PCNX2: variants seen among roughly 807,000 people sequenced by gnomAD.
PCNX2 encodes the protein pecanex-like protein 2.
Under a neutral mutation model 223.8 loss-of-function variants are expected in PCNX2, and 168 were observed. The observed-to-expected ratio is 0.75, with a 90% confidence interval of 0.66 to 0.85. PCNX2 has a LOEUF of 0.85. Ranked by LOEUF, PCNX2 falls within the 40% of genes least tolerant of loss-of-function variation. PCNX2 has a pLI of 0.00. For synonymous variants in PCNX2, 1,006 were observed against 1,052.6 expected (o/e 0.96, Z 0.86); for missense variants, 2,507 against 2,675.5 (o/e 0.94, Z 1.39).
At chr1:233,110,129 C>T (rs1675036332) in intron 21 of PCNX2, among the ~76,000 whole-genome samples, 2 of 151,786 alleles carry the variant, frequency 1.3e-5, no homozygotes, top group South Asian at 4.2e-4. Context: ...TCAGATAGTA[C>T]CAAGGAGCAT....
chr1:233,249,366 T>C (rs1659315928), intron 8 of PCNX2, among the ~76,000 whole-genome samples: 1 of 152,244 alleles, frequency 6.6e-6, no homozygotes, highest in Non-Finnish European at 1.5e-5. Context: ...CAGAATAATA[T>C]GACAGTTTTC....
chr1:233,311,927 G>A, the PCNX2 span, among the ~76,000 whole-genome samples: 2 of 152,248 alleles, frequency 1.3e-5, no homozygotes, highest in East Asian at 1.9e-4. Flanking sequence ...AGGAGTTCGA[G>A]ACCAGCCTAG....
intron 32 of PCNX2, among the ~76,000 whole-genome samples, chr1:232,995,539 G>C (rs1669845889): frequency 6.6e-6 from 1 of 152,148 alleles, no homozygotes; most frequent in African/African-American, 2.4e-5. Flanking sequence ...GCAAGAGTTG[G>C]AAGCAGTAAC....
At chr1:233,304,166 G>A in the PCNX2 span, among the ~76,000 whole-genome samples, 8 of 152,306 alleles carry the variant, frequency 5.3e-5, no homozygotes, top group Admixed American at 2.0e-4. Context: ...TTCCAATAGA[G>A]GTGGAATTAT....
intron 19 of PCNX2, among the ~76,000 whole-genome samples, chr1:233,156,772 G>T (rs540803954): frequency 3.9e-5 from 6 of 152,226 alleles, no homozygotes; most frequent in Admixed American, 1.3e-4. Flanking sequence ...ACAAAAATTA[G>T]CCGGGTGTGG....
intron 1 of PCNX2, chr1:233,291,646 G>A: frequency 1.3e-6 from 1 of 771,876 alleles, no homozygotes; most frequent in Non-Finnish European, 1.6e-6. Context: ...AATGGGAACT[G>A]TGTCTTTTGA....
chr1:233,035,250 C>T (rs1671413550), intron 25 of PCNX2, among the ~76,000 whole-genome samples: 1 of 152,190 alleles, frequency 6.6e-6, no homozygotes, highest in South Asian at 2.1e-4. Context: ...CTTGGTCCTT[C>T]AATTTCCCTT....
At chr1:233,275,833 C>T (rs1346003444) in intron 1 of PCNX2, among the ~76,000 whole-genome samples, 2 of 151,798 alleles carry the variant, frequency 1.3e-5, no homozygotes. Context: ...AGATCGAGAC[C>T]ATCCTGGCCA....
intron 19 of PCNX2, among the ~76,000 whole-genome samples, chr1:233,157,548 C>T (rs756403753): frequency 6.6e-6 from 1 of 152,170 alleles, no homozygotes; most frequent in African/African-American, 2.4e-5. Flanking sequence ...CTCTGCCCTG[C>T]CTTCTTTCCC....
At chr1:233,133,747 T>C (rs989295085) in intron 21 of PCNX2, among the ~76,000 whole-genome samples, 1 of 152,070 alleles carries the variant, frequency 6.6e-6, no homozygotes, top group Non-Finnish European at 1.5e-5. Flanking sequence ...GTGGTCCTAA[T>C]TACTCAGGAG....
intron 23 of PCNX2, among the ~76,000 whole-genome samples, chr1:233,082,966 T>C (rs962043379): frequency 6.6e-6 from 1 of 152,166 alleles, no homozygotes; most frequent in Non-Finnish European, 1.5e-5. Flanking sequence ...TTAAAACCAG[T>C]AAGAGGAGAG....
chr1:232,989,229 C>T (rs955263409), intron 32 of PCNX2, among the ~76,000 whole-genome samples: 4 of 152,144 alleles, frequency 2.6e-5, no homozygotes, highest in South Asian at 2.1e-4. Flanking sequence ...CCGAGGCAGG[C>T]AGATCACGAG....
chr1:233,317,217 C>T, the PCNX2 span, among the ~76,000 whole-genome samples: 4 of 152,084 alleles, frequency 2.6e-5, no homozygotes, highest in African/African-American at 9.7e-5. Context: ...AGTTCAAAAC[C>T]AGCCTGGCCA....
upstream of PCNX2, among the ~76,000 whole-genome samples, chr1:233,300,239 G>T (rs138301292): frequency 2.0e-5 from 3 of 152,298 alleles, no homozygotes; most frequent in African/African-American, 7.2e-5. Flanking sequence ...TATTAAGATT[G>T]CTCAATAACG....
chr1:233,309,229 C>A, the PCNX2 span, among the ~76,000 whole-genome samples: 1 of 152,140 alleles, frequency 6.6e-6, no homozygotes, highest in South Asian at 2.1e-4. Flanking sequence ...AAAAGAGCAC[C>A]AACATTTATC....
At chr1:232,985,505 ATTTAC>A (rs1439958898) in intron 33 of PCNX2, 4 of 161,134 alleles carry the variant, frequency 2.5e-5, no homozygotes, top group Non-Finnish European at 4.0e-5. Context: ...CTGGGTATTT[ATTTAC>A]TTTTTTCTCA....
In PCNX2 at chr1:233,295,492, C is replaced by T. The variant is rs1037731143; in HGVS notation, c.-14G>A. On this transcript the variant is annotated 5_prime_UTR_variant, in exon 1 of 34. Coordinates refer to ENST00000258229, the MANE Select transcript of PCNX2 (RefSeq NM_014801.4). This position sits in a 1 kb window ranked among gnomAD's most constrained non-coding sequence, Gnocchi z 4.1. Reference sequence around the variant, plus strand: ...CTGGGACACCATGCCGGCTGCGCCCCGGGGCTGGTGAGCGCCCCGCTGCAC... The same window carrying T: ...CTGGGACACCATGCCGGCTGCGCCCTGGGGCTGGTGAGCGCCCCGCTGCAC... 3.2e-6 allele frequency: 5 copies of T among 1,544,324 alleles called. No individual in the cohort carries two copies. The highest frequency in any genetic ancestry group is 2.7e-5 in the African/African-American group (2 of 72,838).
chr1:233,057,413 AT>A, intron 23 of PCNX2, 123 bp from the exon 24 acceptor site: 1 of 742,328 alleles, frequency 1.3e-6, no homozygotes, highest in East Asian at 2.7e-5. Context: ...GGTTAAGACG[AT>A]TGCTGTAGTT....
At position 233,126,208 on chromosome 1, in the gene PCNX2, T is replaced by TA. The variant is rs5781728; in HGVS notation, c.3837+8804dup. On this transcript the variant is annotated intron_variant, in intron 21 of 33. Coordinates refer to ENST00000258229, the MANE Select transcript of PCNX2 (RefSeq NM_014801.4). This position sits in a 1 kb window ranked among gnomAD's most constrained non-coding sequence, Gnocchi z 4.8. The stretch of plus-strand genomic sequence containing the variant: ...CTGGGTGACAGGGCAAGACTCCGTC[T>TA]AAAAAAAAAAAAAATTATCTTTTGT... 101 of 145,564 alleles carry TA rather than the reference T, an allele frequency of 6.9e-4. No homozygotes were observed. Among genetic ancestry groups the TA allele is most frequent in the Admixed American group, 7.6e-4 (11 of 14,534 alleles). 9.0% of individuals were successfully genotyped at this position (145,564 alleles called of 1,614,324 possible). A position where few individuals can be genotyped will look rare whatever the true frequency, so the allele number is the denominator to read the frequency against.
Sources: gnomAD v4.1 joint callset for allele counts (sites outside exome capture counted in the v4.1 genomes callset) on GRCh38, gnomAD v4.1.1 for gene constraint, Gnocchi (gnomAD v3.1) non-coding constraint, MANE v1.5 for transcripts, NCBI Gene and HGNC (gene_info 2026-07-23, HGNC 2026-07-21) for gene names.